RIT2: variants seen among roughly 807,000 people sequenced by gnomAD.
The protein encoded by RIT2 is GTP-binding protein Rit2.
RIT2 carries 24 observed loss-of-function variants against 23.7 expected under a neutral mutation model. That is an observed-to-expected ratio of 1.01 (90% CI 0.73 to 1.43). RIT2 has a LOEUF of 1.43. Among genes scored for constraint, RIT2 ranks in the 40% most tolerant of loss-of-function variants. RIT2 has a pLI of 0.00. For missense variants in RIT2, 236 were observed against 266.9 expected, an observed-to-expected ratio of 0.88 and a Z score of 0.81; for synonymous variants, 107 against 91.1, an observed-to-expected ratio of 1.17 and a Z score of -0.99.
intron 3 of RIT2, among the ~76,000 whole-genome samples, chr18:42,940,117 A>G (rs1389178662): frequency 6.6e-6 from 1 of 151,082 alleles, no homozygotes; most frequent in African/African-American, 2.4e-5. Context: ...TTGTTTATGC[A>G]GCTCCCTCTG....
Position 43,074,461 on chromosome 18 carries a change from G to A in RIT2, c.104-40594C>T, listed in dbSNP as rs9952109. The stretch of plus-strand genomic sequence containing the variant: ...AAATGTTTATGTTATATAAAATTCC[G>A]ACTATGTTCAAAGTTCCCCAATGAG... On this transcript the variant is annotated intron_variant, in intron 1 of 4. Transcript: ENST00000326695. Among the ~76,000 whole-genome samples, 591 of 152,070 alleles carry A rather than the reference G, an allele frequency of 3.9e-3. 3 individuals carry two copies. Among genetic ancestry groups the A allele is most frequent in the African/African-American group, 0.014 (565 of 41,498 alleles).
chr18:42,845,088 T>G (rs1164919653), intron 4 of RIT2, among the ~76,000 whole-genome samples: 1 of 151,922 alleles, frequency 6.6e-6, no homozygotes, highest in African/African-American at 2.4e-5. Context: ...ATTAAGAAGT[T>G]GAGTATATGG....
At chr18:42,802,371 A>C (rs1439349621) in intron 4 of RIT2, among the ~76,000 whole-genome samples, 1 of 152,192 alleles carries the variant, frequency 6.6e-6, no homozygotes, top group Non-Finnish European at 1.5e-5. Flanking sequence ...GTGGCATAAT[A>C]TAAAAACTAA....
rs557194559 is a variant in RIT2, at chr18:43,060,153, A to G, written c.104-26286T>C. 5.4e-3 allele frequency among the ~76,000 whole-genome samples: 818 copies of G among 152,270 alleles called. 7 individuals carry two copies. The highest frequency in any genetic ancestry group is 9.9e-3 in the Non-Finnish European group (672 of 68,002). On this transcript the variant is annotated intron_variant, in intron 1 of 4. Coordinates refer to ENST00000326695, the MANE Select transcript of RIT2 (RefSeq NM_002930.4). Reference sequence around the variant, plus strand: ...ATTTTAGATCTAAAGCAAACTTTAGAGAGGATAGCATTCCAACTCCCTGAA... The same window carrying G: ...ATTTTAGATCTAAAGCAAACTTTAGGGAGGATAGCATTCCAACTCCCTGAA...
chr18:42,768,086 T>C (rs1913469296), intron 4 of RIT2, among the ~76,000 whole-genome samples: 1 of 141,074 alleles, frequency 7.1e-6, no homozygotes. Context: ...GTATATAGCA[T>C]ATATATATAT....
At chr18:43,114,388 C>G (rs976943141) in intron 1 of RIT2, among the ~76,000 whole-genome samples, 2 of 152,092 alleles carry the variant, frequency 1.3e-5, no homozygotes, top group African/African-American at 2.4e-5. Flanking sequence ...CTTGTGGACC[C>G]ATCCACCAAA....
chr18:42,929,846 G>T (rs917440813), intron 3 of RIT2, among the ~76,000 whole-genome samples: 4 of 152,212 alleles, frequency 2.6e-5, no homozygotes, highest in African/African-American at 9.6e-5. Context: ...CTCCAAAGAA[G>T]ACTCCATGGA....
intron 4 of RIT2, among the ~76,000 whole-genome samples, chr18:42,798,549 A>T (rs1194828402): frequency 1.3e-5 from 2 of 152,280 alleles, no homozygotes; most frequent in Non-Finnish European, 2.9e-5. Context: ...AGAATGTAGC[A>T]CATAACCAAT....
intron 1 of RIT2, among the ~76,000 whole-genome samples, chr18:43,035,070 AAG>A (rs1911943519): frequency 1.3e-5 from 2 of 152,184 alleles, no homozygotes; most frequent in Non-Finnish European, 2.9e-5. Flanking sequence ...GGTTGTTTTT[AAG>A]TGTGTACACA....
At chr18:43,021,050 G>A (rs540011819) in intron 2 of RIT2, among the ~76,000 whole-genome samples, 2 of 152,028 alleles carry the variant, frequency 1.3e-5, no homozygotes, top group South Asian at 4.1e-4. Context: ...CACAGCAAAG[G>A]AAACAGTCAA....
chr18:42,890,107 T>C (rs1908129904), intron 4 of RIT2, among the ~76,000 whole-genome samples: 1 of 152,092 alleles, frequency 6.6e-6, no homozygotes, highest in African/African-American at 2.4e-5. Flanking sequence ...TGGCTACCAC[T>C]GAGATGACCT....
chr18:42,954,635 T>G (rs924660507), intron 3 of RIT2, among the ~76,000 whole-genome samples: 4 of 152,092 alleles, frequency 2.6e-5, no homozygotes, highest in African/African-American at 9.7e-5. Flanking sequence ...TGCTTGAAGC[T>G]GAAAGTGTTT....
At chr18:42,840,473 G>T (rs1418156153) in intron 4 of RIT2, among the ~76,000 whole-genome samples, 2 of 152,098 alleles carry the variant, frequency 1.3e-5, no homozygotes, top group East Asian at 3.9e-4. Context: ...GCCAAGAACT[G>T]CCGTAAGAGT....
intron 1 of RIT2, among the ~76,000 whole-genome samples, chr18:43,038,318 T>G (rs1007877225): frequency 1.2e-4 from 18 of 151,464 alleles, no homozygotes; most frequent in African/African-American, 3.4e-4. Flanking sequence ...TCGTGGTTTT[T>G]TTTTTTTTTT....
chr18:42,807,035 G>C (rs1176398608), intron 4 of RIT2, among the ~76,000 whole-genome samples: 1 of 152,118 alleles, frequency 6.6e-6, no homozygotes. Flanking sequence ...ATTATATATT[G>C]TATTAATTGT....
chr18:42,769,234 A>G (rs1160839772), intron 4 of RIT2, among the ~76,000 whole-genome samples: 7 of 152,320 alleles, frequency 4.6e-5, no homozygotes, highest in East Asian at 1.9e-4. Flanking sequence ...CCTGAAGCCA[A>G]CGGAATTTCC....
intron 4 of RIT2, among the ~76,000 whole-genome samples, chr18:42,899,668 T>A (rs575750228): frequency 6.6e-6 from 1 of 152,194 alleles, no homozygotes; most frequent in Admixed American, 6.5e-5. Flanking sequence ...GACATTCATT[T>A]CCTTCTGAAA....
At chr18:43,059,955 A>G (rs1473970834) in intron 1 of RIT2, among the ~76,000 whole-genome samples, 1 of 152,120 alleles carries the variant, frequency 6.6e-6, no homozygotes, top group Non-Finnish European at 1.5e-5. Flanking sequence ...CCCACCTCAG[A>G]GGCTAAGAAG....
At chr18:43,110,155 A>G (rs894720209) in intron 1 of RIT2, among the ~76,000 whole-genome samples, 2 of 152,066 alleles carry the variant, frequency 1.3e-5, no homozygotes, top group African/African-American at 2.4e-5. Context: ...GCAAAATATG[A>G]TCATTATGAA....
Sources: gnomAD v4.1 joint callset for allele counts (sites outside exome capture counted in the v4.1 genomes callset) on GRCh38, gnomAD v4.1.1 for gene constraint, MANE v1.5 for transcripts, NCBI Gene and HGNC (gene_info 2026-07-23, HGNC 2026-07-21) for gene names.